Variants in EYA3 observed in about 807,000 individuals in gnomAD.
The protein encoded by EYA3 is EYA transcriptional coactivator and phosphatase 3.
In EYA3, 39 loss-of-function variants were observed where a neutral mutation model predicts 80.0. The observed-to-expected ratio is 0.49, with a 90% CI of 0.38 to 0.64. The LOEUF (loss-of-function observed/expected upper bound fraction) is 0.64, where lower values mean the gene tolerates loss of function less well. EYA3 is among the 30% of genes least tolerant of loss of function. The pLI, the probability that EYA3 is intolerant of heterozygous loss-of-function variation, is 0.00. For synonymous variants in EYA3, 206 were observed against 232.8 expected, an observed-to-expected ratio of 0.88 and a Z score of 1.05; for missense variants, 523 against 676.1, an observed-to-expected ratio of 0.77 and a Z score of 2.51.
intron 16 of EYA3, among the ~76,000 whole-genome samples, chr1:27,986,788 C>T (rs947658390): frequency 2.6e-5 from 4 of 152,070 alleles, no homozygotes; most frequent in African/African-American, 9.7e-5. Context: ...CTGCAACCTC[C>T]GCCTCTCAGG....
At chr1:28,065,885 C>T (rs1051249349) in intron 1 of EYA3, among the ~76,000 whole-genome samples, 18 of 152,002 alleles carry the variant, frequency 1.2e-4, no homozygotes, top group African/African-American at 4.1e-4. Context: ...TGCCTGTAAT[C>T]CCAGATACTC....
At chr1:27,992,963 C>T (rs1387200021) in intron 14 of EYA3, among the ~76,000 whole-genome samples, 1 of 152,162 alleles carries the variant, frequency 6.6e-6, no homozygotes, top group Admixed American at 6.5e-5. Context: ...AATCACAACA[C>T]ATTGATACTA....
At chr1:28,039,148 A>G (rs947084816) in intron 4 of EYA3, among the ~76,000 whole-genome samples, 1 of 152,236 alleles carries the variant, frequency 6.6e-6, no homozygotes, top group South Asian at 2.1e-4. Context: ...GTTGGTAAGG[A>G]TCTCTACCTT....
At chr1:28,038,993 T>G in intron 4 of EYA3, 88 bp from the exon 5 acceptor site, 3 of 735,206 alleles carry the variant, frequency 4.1e-6, no homozygotes, top group Non-Finnish European at 6.9e-6. Context: ...GTATAGTCTT[T>G]CAAACTAATT....
At chr1:27,981,726 C>T (rs112508449) in intron 16 of EYA3, among the ~76,000 whole-genome samples, 3,226 of 145,718 alleles carry the variant, frequency 0.022, 90 homozygotes, top group African/African-American at 0.068. Context: ...TGTAGTGAGT[C>T]GTGATCACTG....
chr1:27,978,366 A>G lies in EYA3; in HGVS notation c.1641+8T>C, dbSNP rs770742331. On this transcript the variant is annotated splice_region_variant and intron_variant, in intron 17 of 17. Transcript: ENST00000373871. Reference sequence around the variant, plus strand: ...ACCACATAGACTATTTTTCTTTACCATGGTTACCTGTTTGGCTGCAATTTC... The same window carrying G: ...ACCACATAGACTATTTTTCTTTACCGTGGTTACCTGTTTGGCTGCAATTTC... 6.2e-7 allele frequency: 1 copy of G among 1,608,732 alleles called. No individual in the cohort carries two copies. Among genetic ancestry groups the G allele is most frequent in the Admixed American group, 1.7e-5 (1 of 59,962 alleles).
intron 6 of EYA3, 152 bp from the exon 7 acceptor site, chr1:28,028,078 T>C: frequency 1.2e-6 from 1 of 811,212 alleles, no homozygotes; most frequent in Non-Finnish European, 1.9e-6. Context: ...CTCCCACTTG[T>C]AATATATCAC....
In EYA3 at chr1:27,978,491, A is replaced by T. The variant is rs200258202; in HGVS notation, c.1541-17T>A. On this transcript the variant is annotated splice_polypyrimidine_tract_variant and intron_variant, in intron 16 of 17. Transcript: ENST00000373871. ...TCTCCTTACCTGATGAGAAAAAGAA[A>T]TTTCCTGTTAGAATACTCTTCTCTT... 217 of 1,600,026 alleles carry T rather than the reference A, an allele frequency of 1.4e-4. No individual in the cohort carries two copies. In the African/African-American group the frequency reaches 2.6e-3, roughly 19 times the overall value.
chr1:28,010,185 AAAC>A (rs1489943650), intron 10 of EYA3, among the ~76,000 whole-genome samples: 1 of 152,190 alleles, frequency 6.6e-6, no homozygotes. Context: ...GGAAAACAGA[AAAC>A]AAAAAGATAA....
At chr1:28,085,814 A>AG (rs1333428699) in intron 1 of EYA3, among the ~76,000 whole-genome samples, 1 of 152,176 alleles carries the variant, frequency 6.6e-6, no homozygotes, top group Non-Finnish European at 1.5e-5. Flanking sequence ...GTGGAGGGTC[A>AG]GGCTTGAAGA....
chr1:27,999,949 A>T lies in EYA3; in HGVS notation c.1083+11T>A. On this transcript the variant is annotated intron_variant, in intron 12 of 17. Transcript: ENST00000373871. ...TCTCAGTGAAGCACAGAAACAATTT[A>T]AAATGCTTACCTCTAAGTCATTGAA... The T allele has an allele frequency of 6.4e-7, 1 of 1,568,938 alleles. No individual in the cohort carries two copies. The highest frequency in any genetic ancestry group is 1.2e-5 in the South Asian group (1 of 85,708).
chr1:28,012,965 G>T, intron 9 of EYA3, 146 bp downstream of exon 9: 1 of 780,412 alleles, frequency 1.3e-6, no homozygotes, highest in South Asian at 1.8e-5. Flanking sequence ...CTCACAGCCT[G>T]CTTCCAATAC....
intron 6 of EYA3, among the ~76,000 whole-genome samples, chr1:28,030,961 A>G (rs997253551): frequency 6.6e-6 from 1 of 152,204 alleles, no homozygotes; most frequent in African/African-American, 2.4e-5. Flanking sequence ...TTCTTTTTCC[A>G]AATAGGTTTT....
chr1:27,975,258 T>G (rs1300251212), intron 17 of EYA3, among the ~76,000 whole-genome samples: 1 of 152,168 alleles, frequency 6.6e-6, no homozygotes, highest in East Asian at 1.9e-4. Flanking sequence ...CATGGCTCAC[T>G]GCAGCCTTGA....
At chr1:28,006,048 T>C (rs1220469869) in intron 10 of EYA3, among the ~76,000 whole-genome samples, 2 of 151,548 alleles carry the variant, frequency 1.3e-5, no homozygotes, top group African/African-American at 4.9e-5. Context: ...GAGGTTGCAG[T>C]GAGCTGAGAT....
At chr1:27,982,465 A>T (rs1197907027) in intron 16 of EYA3, among the ~76,000 whole-genome samples, 4 of 141,668 alleles carry the variant, frequency 2.8e-5, no homozygotes, top group Non-Finnish European at 6.2e-5. Flanking sequence ...GCTCTAGATT[A>T]AAAAAAAAAA....
intron 11 of EYA3, among the ~76,000 whole-genome samples, chr1:28,003,524 C>T (rs1641047182): frequency 6.6e-6 from 1 of 152,038 alleles, no homozygotes; most frequent in Non-Finnish European, 1.5e-5. Context: ...CTAACAAAAA[C>T]ATTAGTAACC....
Position 28,012,447 on chromosome 1 carries a change from C to G in EYA3, c.769+664G>C, listed in dbSNP as rs1641758133. On this transcript the variant is annotated intron_variant, in intron 9 of 17. Transcript: ENST00000373871. ...GTTCACTTGTTATATAGTACTGTTT[C>G]TAAACATGCATCAGTGCCAATGATA... Among the ~76,000 whole-genome samples the G allele has an allele frequency of 2.6e-5, 4 of 152,154 alleles. No individual in the cohort carries two copies. The South Asian group carries it at 8.3e-4, about 31-fold the overall frequency.
rs541553863 is a variant in EYA3 at position 28,049,122 on chromosome 1, A to G, written c.34-696T>C. On this transcript the variant is annotated intron_variant, in intron 2 of 17. Coordinates refer to ENST00000373871, the MANE Select transcript of EYA3 (RefSeq NM_001990.4). The stretch of plus-strand genomic sequence containing the variant: ...AGCCATTCAAATTATGAATATTTAA[A>G]AGTATTTCAAGCTAATAGAAGAAGG... Among the ~76,000 whole-genome samples the G allele has an allele frequency of 5.9e-5, 9 of 152,318 alleles. No homozygotes were observed. The South Asian group carries it at 1.9e-3, about 32-fold the overall frequency.
Sources: allele counts gnomAD v4.1 joint callset (sites outside exome capture counted in the v4.1 genomes callset), GRCh38; gene constraint gnomAD v4.1.1; transcripts MANE v1.5; gene names NCBI Gene and HGNC (gene_info 2026-07-23, HGNC 2026-07-21).